SLC25A48: variants seen among roughly 807,000 people sequenced by gnomAD.
SLC25A48 encodes solute carrier family 25 member 48.
A neutral mutation model predicts 32.2 loss-of-function variants in SLC25A48; 29 were observed. That is an observed-to-expected ratio of 0.90 (90% CI 0.67 to 1.23). SLC25A48 has a LOEUF of 1.23. SLC25A48 is among the 50% of genes most tolerant of loss of function. The probability of loss-of-function intolerance (pLI) is 0.00; values close to 1 mark genes in which losing one functional copy is unlikely to be tolerated. For synonymous variants in SLC25A48, 164 were observed against 172.3 expected (o/e 0.95, Z 0.38); for missense variants, 399 against 422.7 (o/e 0.94, Z 0.49).
At chr5:135,873,356 A>G (rs1761811979) in intron 5 of SLC25A48, among the ~76,000 whole-genome samples, 1 of 152,190 alleles carries the variant, frequency 6.6e-6, no homozygotes, top group Non-Finnish European at 1.5e-5. Context: ...TTGTTTTCCT[A>G]GAGTTCCTTA....
chr5:135,835,393 G>T (rs1363360117), intron 1 of SLC25A48, among the ~76,000 whole-genome samples: 3 of 152,130 alleles, frequency 2.0e-5, no homozygotes, highest in African/African-American at 4.8e-5. Flanking sequence ...GGAGCGGAGC[G>T]CCGGCTGCAG....
At chr5:135,886,650 G>GTGTT (rs1762738403) in intron 7 of SLC25A48, among the ~76,000 whole-genome samples, 1 of 14,702 alleles carries the variant, frequency 6.8e-5, no homozygotes, top group Non-Finnish European at 1.1e-4. Flanking sequence ...ATATATATAT[G>GTGTT]TGTGTGTGTG....
chr5:135,620,011 G>A (rs1223626693), intron 1 of SLC25A48, among the ~76,000 whole-genome samples: 1 of 152,242 alleles, frequency 6.6e-6, no homozygotes, highest in Non-Finnish European at 1.5e-5. Context: ...GGCAACAGAA[G>A]TAGGTTGGGC....
Position 135,842,108 on chromosome 5 carries a change from A to G in SLC25A48, c.47-308A>G, listed in dbSNP as rs536273202. 3.3e-5 allele frequency among the ~76,000 whole-genome samples: 5 copies of G among 152,186 alleles called. No homozygotes were observed. In the East Asian group the frequency reaches 9.6e-4, roughly 29 times the overall value. ...GCTCTCCCATTTAGGTCTTTGATCT[A>G]TTTTGATTTAATTTTGTATATGGTA... On this transcript the variant is annotated intron_variant, in intron 1 of 7. Transcript: ENST00000681962.
intron 1 of SLC25A48, among the ~76,000 whole-genome samples, chr5:135,615,640 C>T (rs1376531535): frequency 3.9e-5 from 6 of 152,082 alleles, no homozygotes; most frequent in East Asian, 1.9e-4. Context: ...GCAGCCCGGC[C>T]GTATGGTAGA....
At chr5:135,886,611 AT>A (rs1459765785) in intron 7 of SLC25A48, among the ~76,000 whole-genome samples, 4,592 of 54,130 alleles carry the variant, frequency 0.085, 570 homozygotes, top group African/African-American at 0.16. Flanking sequence ...ATATATATAT[AT>A]ATATATATAT....
At chr5:135,875,580 GA>G (rs1219640598) in intron 6 of SLC25A48, 3 of 152,242 alleles carry the variant, frequency 2.0e-5, no homozygotes, top group Non-Finnish European at 4.4e-5. Flanking sequence ...CCGATTTGAT[GA>G]AGGCTTCTAG....
At chr5:135,584,306 GC>G (rs559009317) in intron 1 of SLC25A48, among the ~76,000 whole-genome samples, 150 of 152,274 alleles carry the variant, frequency 9.9e-4, no homozygotes, top group African/African-American at 3.4e-3. Flanking sequence ...TCCGAAGAGG[GC>G]CCTAACATAT....
At chr5:135,757,155 A>T (rs1254435400) in intron 3 of SLC25A48, among the ~76,000 whole-genome samples, 3 of 150,202 alleles carry the variant, frequency 2.0e-5, no homozygotes, top group African/African-American at 7.3e-5. Flanking sequence ...GATATGAATA[A>T]AATATCTTTA....
In SLC25A48 at chr5:135,772,782, A is replaced by G. The variant is rs913266077; in HGVS notation, c.-520-39741A>G. On this transcript the variant is annotated intron_variant, in intron 3 of 10. Transcript: ENST00000646290. ...GTAATATCCAAGAGAGGAGAAGATA[A>G]TATTACTCCCAATGTCTCAGGGGTT... Among the ~76,000 whole-genome samples, 4 of 151,486 alleles carry G rather than the reference A, an allele frequency of 2.6e-5. No homozygotes were observed. The East Asian group carries it at 5.8e-4, about 22-fold the overall frequency.
intron 1 of SLC25A48, among the ~76,000 whole-genome samples, chr5:135,600,267 G>T (rs6890229): frequency 0.18 from 27,865 of 152,166 alleles, 2,837 homozygotes; most frequent in African/African-American, 0.21. Context: ...TGAATAATGT[G>T]GTTCTCCTGC....
intron 1 of SLC25A48, among the ~76,000 whole-genome samples, chr5:135,602,614 C>CTTT (rs781288614): frequency 1.8e-4 from 25 of 139,758 alleles, no homozygotes; most frequent in African/African-American, 6.0e-4. Context: ...TTTTTTCTTT[C>CTTT]TTTTTTTTTT....
chr5:135,596,462 TAC>T (rs1224489053), intron 1 of SLC25A48, among the ~76,000 whole-genome samples: 1 of 152,190 alleles, frequency 6.6e-6, no homozygotes, highest in Non-Finnish European at 1.5e-5. Context: ...CATGTCCCCA[TAC>T]CTGTCAAGAC....
chr5:135,772,877 G>C (rs1206906921), intron 3 of SLC25A48, among the ~76,000 whole-genome samples: 1 of 151,618 alleles, frequency 6.6e-6, no homozygotes, highest in Non-Finnish European at 1.5e-5. Flanking sequence ...CAATATTGCA[G>C]GGGGTGTACA....
At chr5:135,669,656 A>G (rs1753609397) in intron 3 of SLC25A48, among the ~76,000 whole-genome samples, 2 of 152,060 alleles carry the variant, frequency 1.3e-5, no homozygotes, top group South Asian at 2.1e-4. Flanking sequence ...ACTCTCAGGA[A>G]CTCTGGCTTG....
chr5:135,639,421 T>A (rs1023310092), intron 3 of SLC25A48, among the ~76,000 whole-genome samples: 1 of 152,130 alleles, frequency 6.6e-6, no homozygotes, highest in African/African-American at 2.4e-5. Flanking sequence ...AAATCAGAGT[T>A]TGGGCATGCA....
intron 1 of SLC25A48, among the ~76,000 whole-genome samples, chr5:135,585,679 A>G (rs1216309944): frequency 2.6e-5 from 4 of 152,200 alleles, no homozygotes; most frequent in African/African-American, 9.7e-5. Context: ...AGTTTATCAC[A>G]GTCTAGTGTG....
intron 7 of SLC25A48, among the ~76,000 whole-genome samples, chr5:135,880,635 A>G (rs1762397374): frequency 6.6e-6 from 1 of 152,008 alleles, no homozygotes; most frequent in South Asian, 2.1e-4. Flanking sequence ...GGACTCTTCT[A>G]AAGACAGCAG....
chr5:135,579,494 C>A (rs1444372300), exon 1 of SLC25A48: 5 of 152,490 alleles, frequency 3.3e-5, no homozygotes, highest in African/African-American at 1.2e-4. Context: ...CCCCCAAGGG[C>A]CCCTGCTGGG....
Sources: gnomAD v4.1 joint callset for allele counts (sites outside exome capture counted in the v4.1 genomes callset) on GRCh38, gnomAD v4.1.1 for gene constraint, MANE v1.5 for transcripts, NCBI Gene and HGNC (gene_info 2026-07-23, HGNC 2026-07-21) for gene names.